Variants in FAF1 observed in about 807,000 individuals in gnomAD.
The protein encoded by FAF1 is Fas associated factor 1.
In FAF1, 25 loss-of-function variants were observed where a neutral mutation model predicts 92.5. The ratio of observed to expected loss-of-function variants is 0.27; its 90% CI spans 0.20 to 0.38. The LOEUF is 0.38. FAF1 is among the 10% of genes least tolerant of loss of function. The pLI is 1.00. For synonymous variants in FAF1, 234 were observed against 273.2 expected (o/e 0.86, Z 1.42); for missense variants, 636 against 793.3 (o/e 0.80, Z 2.38).
At chr1:50,531,101 A>T (rs1011289924) in intron 15 of FAF1, among the ~76,000 whole-genome samples, 34 of 152,230 alleles carry the variant, frequency 2.2e-4, no homozygotes, top group African/African-American at 6.8e-4. Flanking sequence ...GAACCCTTTA[A>T]AATAAGCCTA....
chr1:50,916,244 A>G (rs1570136333), intron 1 of FAF1, among the ~76,000 whole-genome samples: 1 of 152,228 alleles, frequency 6.6e-6, no homozygotes, highest in Non-Finnish European at 1.5e-5. Flanking sequence ...TTCAGTCTTG[A>G]TAACATTCTG....
At chr1:50,675,283 G>A (rs1656070046) in intron 7 of FAF1, among the ~76,000 whole-genome samples, 1 of 152,192 alleles carries the variant, frequency 6.6e-6, no homozygotes, top group Non-Finnish European at 1.5e-5. Context: ...CATTTATTGA[G>A]TGCTTCCTTG....
At chr1:50,465,870 CAT>C (rs780864018) in intron 18 of FAF1, among the ~76,000 whole-genome samples, 1 of 152,116 alleles carries the variant, frequency 6.6e-6, no homozygotes, top group Non-Finnish European at 1.5e-5. Flanking sequence ...GAAGTAGGAA[CAT>C]GTTTCATGGT....
At chr1:50,689,611 AAACAT>A (rs1336230206) in intron 7 of FAF1, among the ~76,000 whole-genome samples, 3 of 152,164 alleles carry the variant, frequency 2.0e-5, no homozygotes, top group Non-Finnish European at 4.4e-5. Context: ...AAACAAAACA[AAACAT>A]ATGTCCAAAC....
At chr1:50,822,976 G>GC (rs1644058851) in intron 2 of FAF1, among the ~76,000 whole-genome samples, 1 of 152,006 alleles carries the variant, frequency 6.6e-6, no homozygotes, top group African/African-American at 2.4e-5. Context: ...GTTTCTCCAC[G>GC]TTGGTGAGGC....
At chr1:50,666,414 C>A (rs1255603545) in intron 7 of FAF1, among the ~76,000 whole-genome samples, 1 of 151,978 alleles carries the variant, frequency 6.6e-6, no homozygotes, top group African/African-American at 2.4e-5. Flanking sequence ...ATTATTTTGC[C>A]CAGGCTGGTC....
intron 13 of FAF1, among the ~76,000 whole-genome samples, chr1:50,562,882 G>A (rs2149053797): frequency 6.6e-6 from 1 of 152,302 alleles, no homozygotes; most frequent in East Asian, 1.9e-4. Context: ...TGCATCTGTT[G>A]ATTCAACTAG....
chr1:50,944,774 T>C (rs1367358884), intron 1 of FAF1, among the ~76,000 whole-genome samples: 2 of 152,150 alleles, frequency 1.3e-5, no homozygotes, highest in Non-Finnish European at 2.9e-5. Flanking sequence ...AGCTGCCACA[T>C]AGAAGATAGA....
chr1:50,891,036 T>C lies in FAF1; in HGVS notation c.46-33039A>G, dbSNP rs372713139. Among the ~76,000 whole-genome samples, 105 of 152,346 alleles carry C rather than the reference T, an allele frequency of 6.9e-4. 2 individuals carry two copies. The East Asian group carries it at 0.016, about 23-fold the overall frequency. On this transcript the variant is annotated intron_variant, in intron 1 of 18. Coordinates refer to ENST00000396153, the MANE Select transcript of FAF1 (RefSeq NM_007051.3). The stretch of plus-strand genomic sequence containing the variant: ...TTTGGTCTTTTCACATAGTCCCATA[T>C]TTCTTGGAGACTTTGTTCATTTATT...
At chr1:50,744,409 C>CA (rs1421145769) in intron 5 of FAF1, among the ~76,000 whole-genome samples, 1 of 151,862 alleles carries the variant, frequency 6.6e-6, no homozygotes, top group Non-Finnish European at 1.5e-5. Flanking sequence ...TAAAGCCTCT[C>CA]AAAAAAAGGG....
chr1:50,822,774 C>CTTTCTTTCTTTCT (rs1553143377), intron 2 of FAF1, among the ~76,000 whole-genome samples: 1 of 125,234 alleles, frequency 8.0e-6, no homozygotes, highest in African/African-American at 3.2e-5. Flanking sequence ...TTCTTTCTTT[C>CTTTCTTTCTTTCT]TTTTTTTTTT....
intron 1 of FAF1, among the ~76,000 whole-genome samples, chr1:50,882,641 TAAATAA>T (rs1301618203): frequency 3.3e-5 from 5 of 150,666 alleles, no homozygotes; most frequent in South Asian, 2.1e-4. Context: ...AATAAATAAA[TAAATAA>T]ATGTGTATGT....
intron 1 of FAF1, among the ~76,000 whole-genome samples, chr1:50,930,022 C>G (rs1238407634): frequency 6.6e-6 from 1 of 152,130 alleles, no homozygotes; most frequent in African/African-American, 2.4e-5. Context: ...CAAGTAGACT[C>G]CAATGATCTA....
chr1:50,785,132 C>CA (rs748061344), intron 4 of FAF1, among the ~76,000 whole-genome samples: 22,773 of 58,300 alleles, frequency 0.39, 4,196 homozygotes, highest in Middle Eastern at 0.46. Flanking sequence ...GACCCTATCT[C>CA]AAAAAAAAAA....
intron 1 of FAF1, among the ~76,000 whole-genome samples, chr1:50,942,746 T>C (rs1039118384): frequency 1.3e-5 from 2 of 150,704 alleles, no homozygotes; most frequent in Admixed American, 6.6e-5. Context: ...TAGTTGTCGT[T>C]GTTTTTTTTT....
At chr1:50,654,916 G>C (rs1655035044) in intron 8 of FAF1, among the ~76,000 whole-genome samples, 1 of 151,622 alleles carries the variant, frequency 6.6e-6, no homozygotes, top group African/African-American at 2.4e-5. Flanking sequence ...TTCTAAAAGT[G>C]AACTCAAATT....
At chr1:50,727,009 T>C (rs1658689818) in intron 6 of FAF1, among the ~76,000 whole-genome samples, 1 of 152,214 alleles carries the variant, frequency 6.6e-6, no homozygotes, top group African/African-American at 2.4e-5. Flanking sequence ...TCAAACCTTC[T>C]CCAGTTATAT....
At chr1:50,499,363 GTT>G (rs199637214) in intron 15 of FAF1, among the ~76,000 whole-genome samples, 33 of 110,068 alleles carry the variant, frequency 3.0e-4, no homozygotes, top group South Asian at 5.4e-4. Flanking sequence ...TAGCTGTAGG[GTT>G]TTTTTTTTTT....
intron 1 of FAF1, among the ~76,000 whole-genome samples, chr1:50,944,127 A>G (rs181940821): frequency 5.3e-4 from 80 of 152,302 alleles, no homozygotes; most frequent in African/African-American, 1.9e-3. Flanking sequence ...GGGAGTAAAG[A>G]AGTGTTCACA....
Sources: allele counts gnomAD v4.1 joint callset (sites outside exome capture counted in the v4.1 genomes callset), GRCh38; gene constraint gnomAD v4.1.1; transcripts MANE v1.5; gene names NCBI Gene and HGNC (gene_info 2026-07-23, HGNC 2026-07-21).